SMARCA5: variants seen among roughly 807,000 people sequenced by gnomAD.
SMARCA5 encodes the protein SNF2 related chromatin remodeling ATPase 5.
In SMARCA5, 18 loss-of-function variants were observed where a neutral mutation model predicts 140.4. The observed-to-expected ratio is 0.13, with a 90% CI of 0.09 to 0.19. The LOEUF (loss-of-function observed/expected upper bound fraction) is 0.19, where lower values mean the gene tolerates loss of function less well. SMARCA5 is among the 10% of genes least tolerant of loss of function. The probability of loss-of-function intolerance (pLI) is 1.00; values close to 1 mark genes in which losing one functional copy is unlikely to be tolerated. For missense variants in SMARCA5, 606 were observed against 1,276.8 expected (o/e 0.47, Z 8.01); for synonymous variants, 449 against 419.6 (o/e 1.07, Z -0.86).
chr4:143,529,991 C>G (rs1206024648), intron 8 of SMARCA5, among the ~76,000 whole-genome samples: 2 of 152,070 alleles, frequency 1.3e-5, no homozygotes, highest in Non-Finnish European at 2.9e-5. Context: ...GGAAACTGCC[C>G]TTGTTGAAAT....
chr4:143,546,723 T>C, intron 19 of SMARCA5, 53 bp from the exon 20 acceptor site: 1 of 1,538,500 alleles, frequency 6.5e-7, no homozygotes, highest in Admixed American at 2.0e-5. Flanking sequence ...TAATAGCATG[T>C]TTTCCAAGTT....
At chr4:143,521,977 A>G (rs146509952) in intron 3 of SMARCA5, among the ~76,000 whole-genome samples, 101 of 152,136 alleles carry the variant, frequency 6.6e-4, no homozygotes, top group East Asian at 3.7e-3. Flanking sequence ...AATTGTAACA[A>G]TCATGTTGAG....
intron 13 of SMARCA5, among the ~76,000 whole-genome samples, chr4:143,539,831 C>T (rs191321930): frequency 1.4e-3 from 213 of 152,236 alleles, no homozygotes; most frequent in Middle Eastern, 6.8e-3. Context: ...GCTACTACAC[C>T]CAGCCCATTA....
At position 143,517,403 on chromosome 4, in the gene SMARCA5, C is replaced by G; in HGVS notation, c.226C>G (p.Pro76Ala). 6.2e-7 allele frequency: 1 copy of G among 1,609,930 alleles called. No individual in the cohort carries two copies. The highest frequency in any genetic ancestry group is 8.5e-7 in the Non-Finnish European group (1 of 1,177,706). The change falls in exon 2 of 24, where the codon CCA (proline) becomes GCA (alanine). Residue 76 changes from proline (P) to alanine (A), a missense_variant. Coordinates refer to ENST00000283131, the MANE Select transcript of SMARCA5 (RefSeq NM_003601.4). ...TGGAAAGCAAAAGGAAATCCAAGAACCAGATCCTACCTATGAAGAAAAAAT... is the reference window on the plus strand; with the variant it reads ...TGGAAAGCAAAAGGAAATCCAAGAAGCAGATCCTACCTATGAAGAAAAAAT... ...SPGKQKEIQE[P>A]DPTYEEKMQT...
intron 23 of SMARCA5, among the ~76,000 whole-genome samples, chr4:143,551,297 T>C (rs1737635511): frequency 6.6e-6 from 1 of 152,092 alleles, no homozygotes; most frequent in Non-Finnish European, 1.5e-5. Flanking sequence ...CTCTTACATA[T>C]TCTGGTTATT....
In SMARCA5 at chr4:143,537,368, T is replaced by C. The variant is rs532556057; in HGVS notation, c.1495+690T>C. Reference sequence around the variant, plus strand: ...AGTATTAAGTGTGCAGATTCAAGTTTGTGTTTCTCTCTATATTTTAATAAG... The same window carrying C: ...AGTATTAAGTGTGCAGATTCAAGTTCGTGTTTCTCTCTATATTTTAATAAG... On this transcript the variant is annotated intron_variant, in intron 11 of 23. Coordinates refer to ENST00000283131, the MANE Select transcript of SMARCA5 (RefSeq NM_003601.4). Among the ~76,000 whole-genome samples the C allele has an allele frequency of 2.0e-5, 3 of 152,326 alleles. No individual in the cohort carries two copies. The East Asian group carries it at 5.8e-4, about 29-fold the overall frequency.
At position 143,555,357 on chromosome 4, in the gene SMARCA5, C is replaced by T; in HGVS notation, c.*2173C>T. The stretch of plus-strand genomic sequence containing the variant: ...AATCTATTATAGCAATCCCCACTGC[C>T]ACCATATCCATCACCACCACCATGG... On this transcript the variant is annotated 3_prime_UTR_variant, in exon 24 of 24. Transcript: ENST00000283131. The T allele has an allele frequency of 1.4e-6, 1 of 711,106 alleles. No individual in the cohort carries two copies. The highest frequency in any genetic ancestry group is 2.6e-6 in the Non-Finnish European group (1 of 384,548). 44.0% of individuals were successfully genotyped at this position (711,106 alleles called of 1,614,324 possible). A position where few individuals can be genotyped will look rare whatever the true frequency, so the allele number is the denominator to read the frequency against.
At chr4:143,517,292 G>A in intron 1 of SMARCA5, 63 bp from the exon 2 acceptor site, 3 of 1,204,662 alleles carry the variant, frequency 2.5e-6, no homozygotes, top group Non-Finnish European at 2.4e-6. Context: ...TCAGAAATTG[G>A]TCTATAATGG....
chr4:143,549,492 A>T (rs923059328), intron 22 of SMARCA5, among the ~76,000 whole-genome samples: 9 of 152,106 alleles, frequency 5.9e-5, no homozygotes, highest in Non-Finnish European at 1.2e-4. Context: ...GATGAGGTAG[A>T]ACTCATCGTA....
At chr4:143,525,636 C>T (rs1737053248) in intron 5 of SMARCA5, 85 bp downstream of exon 5, 3 of 909,332 alleles carry the variant, frequency 3.3e-6, no homozygotes, top group South Asian at 2.8e-5. Flanking sequence ...CAGTCTACAA[C>T]TGTTAGCAAA....
intron 2 of SMARCA5, 71 bp downstream of exon 2, chr4:143,517,500 C>A (rs1225401080): frequency 5.9e-6 from 5 of 854,432 alleles, no homozygotes. Flanking sequence ...TACTAAACAT[C>A]TATCTTAGTC....
intron 14 of SMARCA5, 27 bp downstream of exon 14, chr4:143,540,522 C>T (rs965716517): frequency 2.5e-6 from 4 of 1,589,936 alleles, no homozygotes; most frequent in Non-Finnish European, 2.6e-6. Flanking sequence ...TAAAACTTTA[C>T]CAAGTTGGAT....
At position 143,522,237 on chromosome 4, in the gene SMARCA5, A is replaced by G. The variant is rs1328595116; in HGVS notation, c.419+642A>G. 3.9e-5 allele frequency among the ~76,000 whole-genome samples: 6 copies of G among 152,332 alleles called. No homozygotes were observed. In the East Asian group the frequency reaches 1.2e-3, roughly 29 times the overall value. On this transcript the variant is annotated intron_variant, in intron 3 of 23. Transcript: ENST00000283131. ...ATTGCATACTTAGTTGTTTTTATAT[A>G]AATTGAAGTGTCACGTTGTATGCCG...
At chr4:143,534,766 T>C in intron 9 of SMARCA5, 89 bp from the exon 10 acceptor site, 1 of 900,044 alleles carries the variant, frequency 1.1e-6, no homozygotes, top group Non-Finnish European at 1.6e-6. Flanking sequence ...AAATTTCTTT[T>C]TCATGTATTT....
intron 9 of SMARCA5, among the ~76,000 whole-genome samples, chr4:143,532,410 A>C (rs1164696275): frequency 6.6e-6 from 1 of 152,148 alleles, no homozygotes; most frequent in Non-Finnish European, 1.5e-5. Context: ...AGGTAAAGCA[A>C]ATGAACAACC....
chr4:143,547,259 T>C (rs1357490463), intron 20 of SMARCA5, 126 bp from the exon 21 acceptor site: 1 of 603,790 alleles, frequency 1.7e-6, no homozygotes, highest in Non-Finnish European at 3.0e-6. Flanking sequence ...GGGTATGCTG[T>C]GGTGAGTCTG....
At position 143,521,819 on chromosome 4, in the gene SMARCA5, C is replaced by T. The variant is rs573799882; in HGVS notation, c.419+224C>T. Among the ~76,000 whole-genome samples, 41 of 141,418 alleles carry T rather than the reference C, an allele frequency of 2.9e-4. 1 individual carries two copies. The South Asian group carries it at 7.1e-3, about 25-fold the overall frequency. The allele number at this position is 141,418 out of a possible 152,430, so 92.8% of individuals were successfully genotyped here. ...TGCCTGTAATCGCAGCATTTTGGGA[C>T]GCCAAGGTGGGAGGATTGCTTGAGT... On this transcript the variant is annotated intron_variant, in intron 3 of 23. Coordinates refer to ENST00000283131, the MANE Select transcript of SMARCA5 (RefSeq NM_003601.4).
rs765516436 is a variant in SMARCA5 at position 143,557,270 on chromosome 4, G to C, written c.*4086G>C. 1 of 152,184 alleles carries C rather than the reference G, an allele frequency of 6.6e-6. No homozygotes were observed. The highest frequency in any genetic ancestry group is 6.5e-5 in the Admixed American group (1 of 15,278). 9.4% of individuals were successfully genotyped at this position (152,184 alleles called of 1,614,324 possible). ...GAAAGTTTATCAGAATTTAGTTAAT[G>C]TTGGAAACTTTGTAATATAAACAAT... On this transcript the variant is annotated 3_prime_UTR_variant, in exon 24 of 24. Coordinates refer to ENST00000283131, the MANE Select transcript of SMARCA5 (RefSeq NM_003601.4).
intron 7 of SMARCA5, among the ~76,000 whole-genome samples, chr4:143,528,302 A>G (rs1468856362): frequency 6.6e-6 from 1 of 152,094 alleles, no homozygotes; most frequent in Non-Finnish European, 1.5e-5. Context: ...ATGTGTTCTC[A>G]TTGTTCAACT....
Sources: allele counts gnomAD v4.1 joint callset (sites outside exome capture counted in the v4.1 genomes callset), GRCh38; gene constraint gnomAD v4.1.1; transcripts MANE v1.5; gene names NCBI Gene and HGNC (gene_info 2026-07-23, HGNC 2026-07-21).